Variants in PPP2R2C observed in about 807,000 individuals in gnomAD.
PPP2R2C encodes protein phosphatase 2 regulatory subunit Bgamma, also known as protein phosphatase 2, regulatory subunit B, gamma.
A neutral mutation model predicts 45.3 loss-of-function variants in PPP2R2C; 10 were observed. The observed-to-expected ratio is 0.22, with a 90% CI of 0.14 to 0.37. The LOEUF is 0.37. Among genes scored for constraint, PPP2R2C ranks in the 10% least tolerant of loss-of-function variants. The pLI, the probability that PPP2R2C is intolerant of heterozygous loss-of-function variation, is 1.00. For missense variants in PPP2R2C, 308 were observed against 619.7 expected (o/e 0.50, Z 5.34); for synonymous variants, 257 against 245.4 (o/e 1.05, Z -0.44).
chr4:6,511,570 G>A (rs983835314), intron 2 of PPP2R2C, among the ~76,000 whole-genome samples: 1 of 58,078 alleles, frequency 1.7e-5, no homozygotes, highest in African/African-American at 6.5e-5. Context: ...GGTGGTGGTG[G>A]TGATGGCGGT....
chr4:6,452,922 G>T (rs1720817325), intron 1 of PPP2R2C, among the ~76,000 whole-genome samples: 1 of 152,168 alleles, frequency 6.6e-6, no homozygotes, highest in African/African-American at 2.4e-5. Flanking sequence ...GTCTAGAAGG[G>T]CTGCCACCAT....
intron 2 of PPP2R2C, among the ~76,000 whole-genome samples, chr4:6,379,146 G>A (rs561406878): frequency 6.6e-6 from 1 of 152,230 alleles, no homozygotes; most frequent in African/African-American, 2.4e-5. Context: ...TTAACATTGG[G>A]ACAGAATGTC....
At chr4:6,406,587 A>G (rs977872872) in intron 1 of PPP2R2C, among the ~76,000 whole-genome samples, 49 of 132,484 alleles carry the variant, frequency 3.7e-4, no homozygotes, top group Admixed American at 1.6e-3. Context: ...TGTCTCTACT[A>G]AAGAAAAAGC....
At chr4:6,472,070 C>A in intron 1 of PPP2R2C, 90 bp downstream of exon 1, 2 of 1,529,672 alleles carry the variant, frequency 1.3e-6, no homozygotes, top group Non-Finnish European at 1.8e-6. Context: ...CGACACACAT[C>A]GCGCGGTCCA....
At chr4:6,414,718 G>A (rs1718452059) in intron 1 of PPP2R2C, among the ~76,000 whole-genome samples, 1 of 152,018 alleles carries the variant, frequency 6.6e-6, no homozygotes, top group African/African-American at 2.4e-5. Flanking sequence ...ACGAGGCCCT[G>A]GGCTGGATGG....
intron 1 of PPP2R2C, 134 bp from the exon 2 acceptor site, chr4:6,381,228 G>C: frequency 6.5e-7 from 1 of 1,539,524 alleles, no homozygotes; most frequent in Non-Finnish European, 8.7e-7. Context: ...GCAGCAGGGA[G>C]CCTGAGGGGT....
At chr4:6,535,111 T>C (rs1213259490) in intron 2 of PPP2R2C, among the ~76,000 whole-genome samples, 3 of 151,788 alleles carry the variant, frequency 2.0e-5, no homozygotes, top group Non-Finnish European at 4.4e-5. Context: ...GGAGCCAGGG[T>C]CGGGGGCCCA....
chr4:6,324,577 C>G lies in PPP2R2C; in HGVS notation c.1053-984G>C, dbSNP rs1731798169. Among the ~76,000 whole-genome samples, 4 of 152,354 alleles carry G rather than the reference C, an allele frequency of 2.6e-5. No homozygotes were observed. Among genetic ancestry groups the G allele is most frequent in the African/African-American group, 9.6e-5 (4 of 41,588 alleles). Reference sequence around the variant, plus strand: ...TGGGACAGAAAACCACCAGGCCCTGCTTCCCTCCAGGGGCCCGCCTGTCCC... The same window carrying G: ...TGGGACAGAAAACCACCAGGCCCTGGTTCCCTCCAGGGGCCCGCCTGTCCC... On this transcript the variant is annotated intron_variant, in intron 8 of 8. Transcript: ENST00000382599. This position sits in a 1 kb window ranked among gnomAD's most constrained non-coding sequence, Gnocchi z 4.1.
intron 1 of PPP2R2C, among the ~76,000 whole-genome samples, chr4:6,538,099 A>G (rs1724690095): frequency 6.6e-6 from 1 of 152,178 alleles, no homozygotes; most frequent in African/African-American, 2.4e-5. Flanking sequence ...AAATGCTTAA[A>G]ATGATTAGTT....
intron 1 of PPP2R2C, among the ~76,000 whole-genome samples, chr4:6,392,188 T>C (rs1716690699): frequency 6.6e-6 from 1 of 152,132 alleles, no homozygotes; most frequent in Non-Finnish European, 1.5e-5. Context: ...TTAAAAATGG[T>C]TCAGATGGTA....
At chr4:6,395,205 C>A (rs1716941270) in intron 1 of PPP2R2C, among the ~76,000 whole-genome samples, 1 of 152,172 alleles carries the variant, frequency 6.6e-6, no homozygotes, top group Non-Finnish European at 1.5e-5. Context: ...GTCCCATCTG[C>A]CTGGCTCACC....
In PPP2R2C at chr4:6,393,356, G is replaced by T. The variant is rs188967062; in HGVS notation, c.71-12262C>A. ...CATACAGCAGCACGTGGCCTTTGGGGTCTGCCTGGCTTCTTCCACTTCGCA... is the reference window on the plus strand; with the variant it reads ...CATACAGCAGCACGTGGCCTTTGGGTTCTGCCTGGCTTCTTCCACTTCGCA... On this transcript the variant is annotated intron_variant, in intron 1 of 8. Transcript: ENST00000382599. 6.5e-4 allele frequency among the ~76,000 whole-genome samples: 99 copies of T among 152,326 alleles called. 1 individual carries two copies. The highest frequency in any genetic ancestry group is 3.9e-4 in the East Asian group (2 of 5,192).
intron 1 of PPP2R2C, among the ~76,000 whole-genome samples, chr4:6,431,238 G>A (rs1719599479): frequency 1.3e-5 from 2 of 152,228 alleles, no homozygotes; most frequent in Admixed American, 6.5e-5. Context: ...GCCCCTGCCA[G>A]CTTCCATGGT....
intron 5 of PPP2R2C, among the ~76,000 whole-genome samples, chr4:6,357,605 C>A (rs1234003863): frequency 6.6e-6 from 1 of 152,194 alleles, no homozygotes; most frequent in African/African-American, 2.4e-5. Flanking sequence ...GGTCACACAG[C>A]CTCCCTTCTT....
upstream of PPP2R2C, chr4:6,563,615 C>G (rs1308105049): frequency 4.0e-5 from 6 of 150,908 alleles, no homozygotes; most frequent in Non-Finnish European, 8.8e-5. This position sits in a 1 kb window ranked among gnomAD's most constrained non-coding sequence, Gnocchi z 5.8. Context: ...ACCAGGAGCC[C>G]TGGTCGGCGG....
At chr4:6,380,962 C>A in intron 2 of PPP2R2C, 35 bp downstream of exon 2, 7 of 1,476,468 alleles carry the variant, frequency 4.7e-6, no homozygotes, top group Non-Finnish European at 6.3e-6. Context: ...TGCTCCCCAC[C>A]CCTCCCACCT....
chr4:6,514,334 G>A (rs1029129960), intron 2 of PPP2R2C, among the ~76,000 whole-genome samples: 3 of 152,186 alleles, frequency 2.0e-5, no homozygotes, highest in Non-Finnish European at 4.4e-5. Context: ...GGTAAGACGA[G>A]GTACTGCCCA....
rs1714092703 is a variant in PPP2R2C at position 6,364,475 on chromosome 4, T to G, written c.625+8048A>C. Among the ~76,000 whole-genome samples the G allele has an allele frequency of 6.6e-6, 1 of 150,972 alleles. No homozygotes were observed. The highest frequency in any genetic ancestry group is 6.6e-5 in the Admixed American group (1 of 15,206). On this transcript the variant is annotated intron_variant, in intron 5 of 8. Transcript: ENST00000382599. The surrounding 1 kb of genome is among the most constrained non-coding windows in gnomAD (Gnocchi z 5.3). ...GGGTTCTGAGCAAGGAGTGACATGA[T>G]CTTGTCGTTTTTTTTTTTCTCATGT...
Position 6,513,907 on chromosome 4 carries a change from G to T in PPP2R2C, c.49+21364C>A, listed in dbSNP as rs552025197. Among the ~76,000 whole-genome samples the T allele has an allele frequency of 1.7e-4, 26 of 152,324 alleles. No homozygotes were observed. In the South Asian group the frequency reaches 5.4e-3, roughly 32 times the overall value. On this transcript the variant is annotated intron_variant, in intron 2 of 9. Coordinates refer to the PPP2R2C transcript ENST00000506140. The stretch of plus-strand genomic sequence containing the variant: ...CCTTGAATGAATCACCTCCGGTTCA[G>T]AATAACTTAAGGAAATATTTTGCAA...
Sources: gnomAD v4.1 joint callset for allele counts (sites outside exome capture counted in the v4.1 genomes callset) on GRCh38, gnomAD v4.1.1 for gene constraint, Gnocchi (gnomAD v3.1) non-coding constraint, MANE v1.5 for transcripts, NCBI Gene and HGNC (gene_info 2026-07-23, HGNC 2026-07-21) for gene names.